The following LRBA variants were observed in gnomAD, a reference collection of about 807,000 sequenced individuals.
LRBA encodes LPS responsive beige-like anchor protein, also known as lipopolysaccharide-responsive and beige-like anchor protein.
LRBA carries 176 observed loss-of-function variants against 330.0 expected under a neutral mutation model. The observed-to-expected ratio is 0.53, with a 90% CI of 0.47 to 0.60. The LOEUF (loss-of-function observed/expected upper bound fraction) is 0.60, where lower values mean the gene tolerates loss of function less well. Ranked by LOEUF, LRBA falls within the 20% of genes least tolerant of loss-of-function variation. LRBA has a pLI of 0.00. For synonymous variants in LRBA, 1,230 were observed against 1,193.0 expected, an observed-to-expected ratio of 1.03 and a Z score of -0.64; for missense variants, 3,259 against 3,444.8, an observed-to-expected ratio of 0.95 and a Z score of 1.35.
At chr4:150,871,278 T>C in intron 19 of LRBA, 67 bp downstream of exon 19, 1 of 803,900 alleles carries the variant, frequency 1.2e-6, no homozygotes, top group South Asian at 1.6e-5. Flanking sequence ...CTTATTTACC[T>C]ACACAATGTT....
chr4:150,533,057 T>C (rs538483470), intron 40 of LRBA, among the ~76,000 whole-genome samples: 2 of 152,332 alleles, frequency 1.3e-5, no homozygotes, highest in East Asian at 3.9e-4. Context: ...AGGCTTATTG[T>C]CTATTATCTT....
At chr4:150,773,525 T>A (rs915841532) in intron 34 of LRBA, among the ~76,000 whole-genome samples, 3 of 152,254 alleles carry the variant, frequency 2.0e-5, no homozygotes, top group Admixed American at 1.3e-4. Flanking sequence ...ATGTGTCTTC[T>A]GCATAGGCCA....
intron 22 of LRBA, among the ~76,000 whole-genome samples, chr4:150,853,612 G>T (rs1287696657): frequency 6.6e-6 from 1 of 152,020 alleles, no homozygotes; most frequent in Non-Finnish European, 1.5e-5. Flanking sequence ...AATATATTAG[G>T]CACCGTGAAC....
chr4:150,285,967 A>G lies in LRBA; in HGVS notation c.8085T>C (p.Cys2695=). The G allele has an allele frequency of 1.3e-6, 2 of 1,598,176 alleles. No homozygotes were observed. The highest frequency in any genetic ancestry group is 1.7e-4 in the Middle Eastern group (1 of 6,054). ...HDYEVTCAAV[C]AELGLVLSGS... is the part of the protein sequence containing the mutation. ...CACTCAACACCAGGCCTAGCTCCGC[A>G]CACACCGCAGCACATGTGACCTCAT... Residue 2695 remains cysteine, a synonymous_variant, in exon 54 of 57, where the codon TGT becomes TGC. Transcript: ENST00000651943.
At chr4:150,359,153 C>T (rs1240485661) in intron 47 of LRBA, among the ~76,000 whole-genome samples, 1 of 152,116 alleles carries the variant, frequency 6.6e-6, no homozygotes, top group Non-Finnish European at 1.5e-5. Context: ...TTTGTGTATG[C>T]GATTGCATAC....
intron 37 of LRBA, among the ~76,000 whole-genome samples, chr4:150,628,501 C>T (rs558746784): frequency 1.6e-4 from 25 of 152,186 alleles, no homozygotes; most frequent in African/African-American, 5.8e-4. Flanking sequence ...GTTATACCAA[C>T]GATATTACTG....
intron 2 of LRBA, among the ~76,000 whole-genome samples, chr4:150,978,215 T>A (rs1740424983): frequency 6.6e-6 from 1 of 152,246 alleles, no homozygotes; most frequent in Admixed American, 6.5e-5. Flanking sequence ...ATACCATTTG[T>A]TTGGGACAAA....
At chr4:150,307,947 AAAC>A (rs1460015448) in intron 52 of LRBA, among the ~76,000 whole-genome samples, 2 of 152,206 alleles carry the variant, frequency 1.3e-5, no homozygotes, top group African/African-American at 4.8e-5. Flanking sequence ...TCCATATAAC[AAAC>A]AATAAAGATT....
At chr4:150,400,472 T>C (rs1745315718) in intron 47 of LRBA, among the ~76,000 whole-genome samples, 1 of 152,156 alleles carries the variant, frequency 6.6e-6, no homozygotes, top group Non-Finnish European at 1.5e-5. Flanking sequence ...CATTATATAT[T>C]ATTCTCTGGT....
chr4:150,579,161 G>T (rs1256698066), intron 40 of LRBA: 1 of 452,880 alleles, frequency 2.2e-6, no homozygotes, highest in Admixed American at 2.4e-5. Context: ...TGCAGAAGGA[G>T]CTGCCAGTTC....
At chr4:150,996,521 G>C (rs967771074) in intron 2 of LRBA, among the ~76,000 whole-genome samples, 2 of 152,124 alleles carry the variant, frequency 1.3e-5, no homozygotes, top group Non-Finnish European at 2.9e-5. Context: ...ACAGAAAATT[G>C]ACTGGTGGAT....
At chr4:150,925,730 A>C (rs1386337551) in intron 4 of LRBA, among the ~76,000 whole-genome samples, 1 of 152,156 alleles carries the variant, frequency 6.6e-6, no homozygotes, top group Non-Finnish European at 1.5e-5. Context: ...ATTATTTGCT[A>C]TTTTCTTACC....
chr4:150,394,753 G>A (rs182996954), intron 47 of LRBA, among the ~76,000 whole-genome samples: 13 of 152,256 alleles, frequency 8.5e-5, no homozygotes, highest in Non-Finnish European at 4.4e-5. Flanking sequence ...TTTGAAAATA[G>A]AATGTTGAAA....
At chr4:150,801,876 A>T (rs1741660682) in intron 33 of LRBA, among the ~76,000 whole-genome samples, 1 of 152,038 alleles carries the variant, frequency 6.6e-6, no homozygotes, top group South Asian at 2.1e-4. Context: ...ATACTTTCTT[A>T]AAACACAGTG....
At chr4:150,994,768 A>G (rs868820976) in intron 2 of LRBA, among the ~76,000 whole-genome samples, 4 of 152,346 alleles carry the variant, frequency 2.6e-5, no homozygotes, top group Middle Eastern at 3.4e-3. Context: ...AATATGGTAG[A>G]CTAGATGCCC....
chr4:150,722,959 A>G (rs62346301), intron 36 of LRBA, among the ~76,000 whole-genome samples: 13,471 of 152,068 alleles, frequency 0.089, 1,032 homozygotes, highest in African/African-American at 0.22. Flanking sequence ...CTGTCAGAGC[A>G]AAGAATAAAG....
At chr4:150,276,562 GAACTTA>G (rs1746789812) in intron 56 of LRBA, among the ~76,000 whole-genome samples, 1 of 152,020 alleles carries the variant, frequency 6.6e-6, no homozygotes, top group Non-Finnish European at 1.5e-5. Context: ...AATCTACAAA[GAACTTA>G]AACAAATTTA....
At chr4:150,293,500 TA>T (rs1236754951) in intron 53 of LRBA, among the ~76,000 whole-genome samples, 2 of 152,200 alleles carry the variant, frequency 1.3e-5, no homozygotes. Flanking sequence ...ATATAGACTA[TA>T]GATGATAAGC....
At chr4:150,814,974 C>T (rs1373490644) in intron 31 of LRBA, among the ~76,000 whole-genome samples, 1 of 151,882 alleles carries the variant, frequency 6.6e-6, no homozygotes, top group Admixed American at 6.6e-5. Context: ...TATGTCTCAG[C>T]TGTTTCTTAT....
Sources: allele counts gnomAD v4.1 joint callset (sites outside exome capture counted in the v4.1 genomes callset), GRCh38; gene constraint gnomAD v4.1.1; transcripts MANE v1.5; gene names NCBI Gene and HGNC (gene_info 2026-07-23, HGNC 2026-07-21).